MACROD2: variants seen among roughly 807,000 people sequenced by gnomAD.
MACROD2 encodes mono-ADP ribosylhydrolase 2, also known as ADP-ribose glycohydrolase MACROD2.
A neutral mutation model predicts 70.4 loss-of-function variants in MACROD2; 36 were observed. That is an observed-to-expected ratio of 0.51 (90% CI 0.39 to 0.68). The LOEUF (loss-of-function observed/expected upper bound fraction) is 0.68. Among genes scored for constraint, MACROD2 ranks in the 30% least tolerant of loss-of-function variants. The probability of loss-of-function intolerance (pLI) is 0.00; values close to 1 mark genes in which losing one functional copy is unlikely to be tolerated. For missense variants in MACROD2, 496 were observed against 538.4 expected, an observed-to-expected ratio of 0.92 and a Z score of 0.78; for synonymous variants, 172 against 178.8, an observed-to-expected ratio of 0.96 and a Z score of 0.30.
intron 10 of MACROD2, among the ~76,000 whole-genome samples, chr20:15,929,803 G>A (rs2065546477): frequency 6.6e-6 from 1 of 152,182 alleles, no homozygotes; most frequent in African/African-American, 2.4e-5. Flanking sequence ...TCACGTTGCA[G>A]CAGGAGCCTC....
intron 5 of MACROD2, among the ~76,000 whole-genome samples, chr20:15,150,697 G>A (rs996320485): frequency 5.9e-5 from 9 of 151,912 alleles, no homozygotes; most frequent in African/African-American, 2.2e-4. Context: ...ACAAGAGGAG[G>A]ATGCAAAGGA....
chr20:14,969,361 TACACACACACACACACACAC>T (rs3045701), intron 5 of MACROD2, among the ~76,000 whole-genome samples: 1 of 138,052 alleles, frequency 7.2e-6, no homozygotes, highest in Non-Finnish European at 1.6e-5. Flanking sequence ...TAAATGCTTT[TACACACACACACACACACAC>T]ACACACACAC....
intron 10 of MACROD2, among the ~76,000 whole-genome samples, chr20:15,915,104 G>T (rs1205896905): frequency 6.6e-6 from 1 of 152,098 alleles, no homozygotes; most frequent in African/African-American, 2.4e-5. Context: ...TCCTACTCCT[G>T]TTGTTTAGGT....
intron 6 of MACROD2, among the ~76,000 whole-genome samples, chr20:15,278,756 A>G (rs932157455): frequency 6.6e-6 from 1 of 152,194 alleles, no homozygotes; most frequent in African/African-American, 2.4e-5. Context: ...TGCCTTCAAT[A>G]GCAATATTAT....
chr20:15,033,071 G>A (rs1649818081), intron 5 of MACROD2, among the ~76,000 whole-genome samples: 2 of 152,112 alleles, frequency 1.3e-5, no homozygotes, highest in African/African-American at 4.8e-5. Context: ...AGCTGGGACA[G>A]GGGAGGATGG....
chr20:14,241,488 T>C (rs771548447), intron 3 of MACROD2, among the ~76,000 whole-genome samples: 3 of 152,110 alleles, frequency 2.0e-5, no homozygotes, highest in Non-Finnish European at 4.4e-5. Context: ...TGGAAACACG[T>C]ACATTGTGAA....
chr20:15,434,331 GA>G lies in MACROD2; in HGVS notation c.571+2906del, dbSNP rs34704525. On this transcript the variant is annotated intron_variant, in intron 7 of 17. Coordinates refer to ENST00000684519, the MANE Select transcript of MACROD2 (RefSeq NM_001351661.2). The stretch of plus-strand genomic sequence containing the variant: ...ATAAGGAACTCAAACATATCAGCAA[GA>G]AAAAAAAAATCCCATAAAAAATGGG... Among the ~76,000 whole-genome samples the G allele has an allele frequency of 7.9e-3, 1,173 of 147,706 alleles. 7 individuals carry two copies. The highest frequency in any genetic ancestry group is 0.017 in the Middle Eastern group (5 of 288).
chr20:14,362,202 C>T (rs1363139576), intron 3 of MACROD2, among the ~76,000 whole-genome samples: 1 of 152,162 alleles, frequency 6.6e-6, no homozygotes, highest in African/African-American at 2.4e-5. Context: ...TAATAACTTA[C>T]TACATTCCGA....
rs1433175595 is a variant in MACROD2 at position 15,860,100 on chromosome 20, C to T, written c.646-2645C>T. On this transcript the variant is annotated intron_variant, in intron 8 of 17. Coordinates refer to ENST00000684519, the MANE Select transcript of MACROD2 (RefSeq NM_001351661.2). ...CAGTGAGCTGAGATCGCGCCACTGC[C>T]CTCCAACCTGGGCAGCAGAGCAAGA... Among the ~76,000 whole-genome samples, 3 of 151,952 alleles carry T rather than the reference C, an allele frequency of 2.0e-5. No homozygotes were observed. In the East Asian group the frequency reaches 5.8e-4, roughly 29 times the overall value.
chr20:14,683,877 C>G (rs1229084356), intron 4 of MACROD2, among the ~76,000 whole-genome samples: 1 of 151,192 alleles, frequency 6.6e-6, no homozygotes, highest in East Asian at 1.9e-4. Flanking sequence ...TTTTTCTATC[C>G]AAGGGGCCCA....
intron 9 of MACROD2, among the ~76,000 whole-genome samples, chr20:15,874,668 A>G (rs1284090442): frequency 6.6e-6 from 1 of 152,172 alleles, no homozygotes; most frequent in East Asian, 1.9e-4. Context: ...ATGACCAGCA[A>G]TGATGAGCAT....
chr20:14,181,315 G>A (rs991935110), intron 3 of MACROD2, among the ~76,000 whole-genome samples: 2 of 151,738 alleles, frequency 1.3e-5, no homozygotes, highest in African/African-American at 2.4e-5. Flanking sequence ...CATTCCTTCC[G>A]CCTTGGCCTC....
chr20:14,771,672 T>C (rs6042910), intron 5 of MACROD2, among the ~76,000 whole-genome samples: 61,954 of 112,588 alleles, frequency 0.55, 13,283 homozygotes, highest in African/African-American at 0.64. Context: ...CACACACACA[T>C]ATATATATAT....
intron 5 of MACROD2, among the ~76,000 whole-genome samples, chr20:14,808,077 T>G (rs2072661746): frequency 6.6e-6 from 1 of 152,110 alleles, no homozygotes. Context: ...ACATTCAAAT[T>G]CAGGAAATAC....
intron 8 of MACROD2, among the ~76,000 whole-genome samples, chr20:15,505,095 T>TGC (rs1219223704): frequency 6.6e-6 from 1 of 152,170 alleles, no homozygotes; most frequent in Non-Finnish European, 1.5e-5. Flanking sequence ...TCTGAGACAA[T>TGC]GCACATATTT....
At chr20:15,074,733 G>C (rs1004893801) in intron 5 of MACROD2, among the ~76,000 whole-genome samples, 1 of 152,140 alleles carries the variant, frequency 6.6e-6, no homozygotes, top group African/African-American at 2.4e-5. Flanking sequence ...CAATGTATTG[G>C]AAGCCCCTCT....
At chr20:14,842,950 A>C (rs540006596) in intron 5 of MACROD2, among the ~76,000 whole-genome samples, 38 of 152,126 alleles carry the variant, frequency 2.5e-4, no homozygotes, top group African/African-American at 8.7e-4. Context: ...GTTGTTTTCT[A>C]TAAGGTTCAA....
intron 4 of MACROD2, among the ~76,000 whole-genome samples, chr20:14,545,482 T>G (rs903963746): frequency 6.6e-6 from 1 of 152,170 alleles, no homozygotes; most frequent in African/African-American, 2.4e-5. Context: ...TTGCATTGTT[T>G]GAGGAGATTT....
At chr20:14,833,408 A>G (rs1414116121) in intron 5 of MACROD2, among the ~76,000 whole-genome samples, 1 of 152,130 alleles carries the variant, frequency 6.6e-6, no homozygotes, top group Admixed American at 6.5e-5. Context: ...AGAAGAAATC[A>G]CAGGCTGAGA....
Sources: allele counts gnomAD v4.1 joint callset (sites outside exome capture counted in the v4.1 genomes callset), GRCh38; gene constraint gnomAD v4.1.1; transcripts MANE v1.5; gene names NCBI Gene and HGNC (gene_info 2026-07-23, HGNC 2026-07-21).